Variants in TBC1D5 observed in about 807,000 individuals in gnomAD.
TBC1D5 encodes TBC1 domain family member 5.
In TBC1D5, 75 loss-of-function variants were observed where a neutral mutation model predicts 100.3. The ratio of observed to expected loss-of-function variants is 0.75; its 90% CI spans 0.62 to 0.91. TBC1D5 has a LOEUF of 0.91. Among genes scored for constraint, TBC1D5 ranks in the 40% least tolerant of loss-of-function variants. TBC1D5 has a pLI of 0.00. For synonymous variants in TBC1D5, 323 were observed against 325.6 expected (o/e 0.99, Z 0.09); for missense variants, 910 against 942.4 (o/e 0.97, Z 0.45).
intron 2 of TBC1D5, among the ~76,000 whole-genome samples, chr3:17,521,226 G>A (rs752283613): frequency 1.2e-4 from 18 of 152,094 alleles, no homozygotes; most frequent in Non-Finnish European, 2.1e-4. Context: ...TGAACAACAT[G>A]GGTTTGAACT....
chr3:17,281,303 C>T (rs1413355267), intron 15 of TBC1D5, among the ~76,000 whole-genome samples: 2 of 152,162 alleles, frequency 1.3e-5, no homozygotes, highest in Non-Finnish European at 2.9e-5. Context: ...AATCAAACTA[C>T]AAAGTTCCTC....
At chr3:17,403,606 CTTTA>C (rs1475025074) in intron 7 of TBC1D5, among the ~76,000 whole-genome samples, 1 of 152,056 alleles carries the variant, frequency 6.6e-6, no homozygotes, top group Non-Finnish European at 1.5e-5. Flanking sequence ...AGTATAACAA[CTTTA>C]TTTAGCATTT....
intron 16 of TBC1D5, among the ~76,000 whole-genome samples, chr3:17,251,437 CCA>C (rs75981911): frequency 8.4e-6 from 1 of 119,396 alleles, no homozygotes; most frequent in Non-Finnish European, 1.9e-5. Flanking sequence ...CCCCCCCCCC[CCA>C]GTAGAAGCGA....
At chr3:17,164,173 TC>T (rs2066364615) in intron 21 of TBC1D5, among the ~76,000 whole-genome samples, 1 of 152,174 alleles carries the variant, frequency 6.6e-6, no homozygotes, top group Admixed American at 6.5e-5. Context: ...ATGAGCCATG[TC>T]ACATCAACCT....
At chr3:17,686,077 A>G (rs1291328788) in intron 1 of TBC1D5, among the ~76,000 whole-genome samples, 1 of 152,130 alleles carries the variant, frequency 6.6e-6, no homozygotes, top group African/African-American at 2.4e-5. Context: ...AGCTGTTACA[A>G]TTGGCGGGAT....
intron 15 of TBC1D5, among the ~76,000 whole-genome samples, chr3:17,259,715 G>T (rs375831583): frequency 1.3e-4 from 20 of 151,866 alleles, no homozygotes; most frequent in Non-Finnish European, 1.8e-4. Flanking sequence ...GCAGGCACGG[G>T]GGGGGTTGCG....
At chr3:17,728,101 ATTATG>A (rs1368623235) in intron 1 of TBC1D5, among the ~76,000 whole-genome samples, 3 of 152,156 alleles carry the variant, frequency 2.0e-5, no homozygotes, top group Non-Finnish European at 2.9e-5. Context: ...CCTTACAGAA[ATTATG>A]TTATATGTGA....
At position 17,657,146 on chromosome 3, in the gene TBC1D5, A is replaced by G. The variant is rs141553618; in HGVS notation, c.-100-33233T>C. ...CACCACCAAAAAAAACAAAACAAAC[A>G]AACAAAAAACCTGGAGCATCCACCT... On this transcript the variant is annotated intron_variant, in intron 1 of 21. Coordinates refer to ENST00000253692, the Ensembl canonical transcript of TBC1D5. Among the ~76,000 whole-genome samples the G allele has an allele frequency of 5.0e-4, 76 of 152,098 alleles. 1 individual carries two copies. The highest frequency in any genetic ancestry group is 4.7e-3 in the Admixed American group (72 of 15,274).
At chr3:17,509,243 A>G (rs1188731150) in intron 2 of TBC1D5, among the ~76,000 whole-genome samples, 2 of 151,916 alleles carry the variant, frequency 1.3e-5, no homozygotes, top group Non-Finnish European at 2.9e-5. Flanking sequence ...AGCACAATTT[A>G]TGTAACCAAT....
At chr3:17,742,222 C>A (rs2154013310), upstream of TBC1D5, among the ~76,000 whole-genome samples, 1 of 152,254 alleles carries the variant, frequency 6.6e-6, no homozygotes, top group South Asian at 2.1e-4. Flanking sequence ...GCCATCCACC[C>A]CCGACGCCGA....
rs2096064068 is a variant in TBC1D5 at position 17,521,583 on chromosome 3, A to G, written c.-35-12978T>C. On this transcript the variant is annotated intron_variant, in intron 2 of 21. Transcript: ENST00000253692. ...ATGGATTTTTGACTGCATAGGGGTC[A>G]GTATCCCTAACTCCCATGTTGCTCA... Among the ~76,000 whole-genome samples, 3 of 152,180 alleles carry G rather than the reference A, an allele frequency of 2.0e-5. No individual in the cohort carries two copies. The South Asian group carries it at 6.2e-4, about 32-fold the overall frequency.
intron 4 of TBC1D5, among the ~76,000 whole-genome samples, chr3:17,407,210 G>C (rs768534711): frequency 9.2e-5 from 14 of 152,124 alleles, no homozygotes; most frequent in Non-Finnish European, 1.9e-4. Context: ...GCAGACACCA[G>C]GGGCCTAACA....
intron 2 of TBC1D5, among the ~76,000 whole-genome samples, chr3:17,517,665 T>C (rs1305510346): frequency 6.6e-6 from 1 of 152,212 alleles, no homozygotes; most frequent in Non-Finnish European, 1.5e-5. Flanking sequence ...CAGAATAACA[T>C]CTGGTTTATA....
At chr3:17,596,384 T>G (rs1423762287) in intron 2 of TBC1D5, among the ~76,000 whole-genome samples, 1 of 148,598 alleles carries the variant, frequency 6.7e-6, no homozygotes, top group Non-Finnish European at 1.5e-5. Flanking sequence ...AGTCGCGCAA[T>G]TTGGGCTCAC....
In TBC1D5 at chr3:17,450,415, G is replaced by A. The variant is rs192385522; in HGVS notation, c.98-21896C>T. On this transcript the variant is annotated intron_variant, in intron 3 of 21. Transcript: ENST00000253692. ...GAATTACAGAAGTAGGCTTCAGAAG[G>A]TGGGTAACAACAAACTCCTCCGAGT... 2.0e-5 allele frequency among the ~76,000 whole-genome samples: 3 copies of A among 152,214 alleles called. No individual in the cohort carries two copies. The East Asian group carries it at 5.8e-4, about 29-fold the overall frequency.
intron 14 of TBC1D5, among the ~76,000 whole-genome samples, chr3:17,294,390 A>G (rs971840967): frequency 1.3e-5 from 2 of 152,094 alleles, no homozygotes; most frequent in African/African-American, 2.4e-5. Context: ...TGCCTGGCTA[A>G]TTTTTAAGTT....
chr3:17,662,043 A>G (rs1274500881), intron 1 of TBC1D5, among the ~76,000 whole-genome samples: 2 of 152,020 alleles, frequency 1.3e-5, no homozygotes, highest in African/African-American at 4.8e-5. Flanking sequence ...GCTATGCACC[A>G]CATGTCCAGC....
At chr3:17,526,462 C>T (rs1209482276) in intron 2 of TBC1D5, among the ~76,000 whole-genome samples, 1 of 152,130 alleles carries the variant, frequency 6.6e-6, no homozygotes, top group Non-Finnish European at 1.5e-5. Context: ...TCAAACAATC[C>T]TCCCAACATG....
intron 19 of TBC1D5, among the ~76,000 whole-genome samples, chr3:17,175,994 G>A (rs1382222882): frequency 6.6e-6 from 1 of 152,228 alleles, no homozygotes; most frequent in Non-Finnish European, 1.5e-5. Flanking sequence ...TGAGGTAGAT[G>A]GGTTTTGTGG....
Sources: allele counts gnomAD v4.1 joint callset (sites outside exome capture counted in the v4.1 genomes callset), GRCh38; gene constraint gnomAD v4.1.1; transcripts MANE v1.5; gene names NCBI Gene and HGNC (gene_info 2026-07-23, HGNC 2026-07-21).